Variants in AGMO observed in about 807,000 individuals in gnomAD.
AGMO encodes the protein glyceryl-ether monooxygenase.
Under a neutral mutation model 60.2 loss-of-function variants are expected in AGMO, and 75 were observed. The ratio of observed to expected loss-of-function variants is 1.25; its 90% CI spans 1.03 to 1.51. The LOEUF (loss-of-function observed/expected upper bound fraction) is 1.51, where lower values mean the gene tolerates loss of function less well. AGMO is among the 40% of genes most tolerant of loss of function. The probability of loss-of-function intolerance (pLI) is 0.00; values close to 1 mark genes in which losing one functional copy is unlikely to be tolerated. For missense variants in AGMO, 763 were observed against 525.5 expected, an observed-to-expected ratio of 1.45 and a Z score of -4.42; for synonymous variants, 261 against 177.1, an observed-to-expected ratio of 1.47 and a Z score of -3.76.
the AGMO span, among the ~76,000 whole-genome samples, chr7:15,181,718 T>C: frequency 4.6e-5 from 7 of 152,176 alleles, no homozygotes; most frequent in African/African-American, 1.7e-4. Flanking sequence ...AATATTATTT[T>C]TGATGGTAGT....
intron 12 of AGMO, among the ~76,000 whole-genome samples, chr7:15,255,080 C>A (rs1396780185): frequency 6.6e-6 from 1 of 152,090 alleles, no homozygotes; most frequent in East Asian, 1.9e-4. Context: ...AAGCTGGAAA[C>A]CATCATTCTC....
intron 12 of AGMO, among the ~76,000 whole-genome samples, chr7:15,275,750 A>G (rs947078753): frequency 2.0e-5 from 3 of 151,516 alleles, no homozygotes; most frequent in African/African-American, 7.3e-5. Flanking sequence ...TAGGATGGTG[A>G]TATCTTTTTG....
At chr7:15,139,230 T>A in the AGMO span, among the ~76,000 whole-genome samples, 1 of 152,220 alleles carries the variant, frequency 6.6e-6, no homozygotes, top group Non-Finnish European at 1.5e-5. Flanking sequence ...ATCTTTGACT[T>A]GCTTTATCCA....
At chr7:15,356,304 G>T (rs191409485) in intron 12 of AGMO, among the ~76,000 whole-genome samples, 1 of 152,242 alleles carries the variant, frequency 6.6e-6, no homozygotes, top group Admixed American at 6.5e-5. Context: ...AAACACTAGA[G>T]AATAGACAGA....
At chr7:15,486,780 A>C (rs1483282022) in intron 3 of AGMO, among the ~76,000 whole-genome samples, 1 of 152,220 alleles carries the variant, frequency 6.6e-6, no homozygotes, top group East Asian at 1.9e-4. Context: ...TTTTGACTAA[A>C]ACATGTCCAT....
intron 12 of AGMO, among the ~76,000 whole-genome samples, chr7:15,233,845 G>A (rs1187984626): frequency 2.0e-5 from 3 of 152,050 alleles, no homozygotes; most frequent in Non-Finnish European, 4.4e-5. Flanking sequence ...AGGTCAGTTC[G>A]AGACCAGCCT....
chr7:15,398,942 A>C (rs1016105881), intron 5 of AGMO, among the ~76,000 whole-genome samples: 2 of 152,202 alleles, frequency 1.3e-5, no homozygotes, highest in African/African-American at 4.8e-5. Flanking sequence ...TTTTTAAGAC[A>C]TACAGCAATT....
chr7:15,231,276 T>C (rs1782250926), intron 12 of AGMO, among the ~76,000 whole-genome samples: 1 of 152,168 alleles, frequency 6.6e-6, no homozygotes, highest in Admixed American at 6.6e-5. Flanking sequence ...CCACTTCCAA[T>C]GTCTTTTTGT....
intron 3 of AGMO, among the ~76,000 whole-genome samples, chr7:15,485,863 T>C (rs1782907915): frequency 6.6e-6 from 1 of 152,084 alleles, no homozygotes; most frequent in African/African-American, 2.4e-5. Flanking sequence ...TCATTTCAAA[T>C]TGACCTTATT....
At chr7:15,164,917 C>G in the AGMO span, among the ~76,000 whole-genome samples, 24 of 152,142 alleles carry the variant, frequency 1.6e-4, no homozygotes, top group Admixed American at 1.4e-3. Context: ...ATTGTTATAT[C>G]AAAAAGTCAC....
At chr7:15,327,042 T>A (rs1781358634) in intron 12 of AGMO, among the ~76,000 whole-genome samples, 1 of 152,132 alleles carries the variant, frequency 6.6e-6, no homozygotes, top group Non-Finnish European at 1.5e-5. Flanking sequence ...ACATATAATA[T>A]TTGTAATTTT....
chr7:15,353,017 GCA>G (rs1782313666), intron 12 of AGMO, among the ~76,000 whole-genome samples: 1 of 152,004 alleles, frequency 6.6e-6, no homozygotes, highest in Non-Finnish European at 1.5e-5. Flanking sequence ...ACTGCGCACG[GCA>G]CACTCAGACG....
At chr7:15,354,433 T>C (rs1254863827) in intron 12 of AGMO, among the ~76,000 whole-genome samples, 261 of 24,688 alleles carry the variant, frequency 0.011, 18 homozygotes, top group African/African-American at 0.029. Context: ...CACACACGTG[T>C]GTGTATACAC....
chr7:15,446,959 T>C (rs1781714229), intron 3 of AGMO, among the ~76,000 whole-genome samples: 1 of 152,174 alleles, frequency 6.6e-6, no homozygotes, highest in Non-Finnish European at 1.5e-5. Context: ...GGAAGTTCTT[T>C]AATGGCAATA....
chr7:15,409,316 C>T (rs114959403), intron 5 of AGMO, among the ~76,000 whole-genome samples: 11 of 151,910 alleles, frequency 7.2e-5, no homozygotes, highest in African/African-American at 2.4e-4. Context: ...CATATCAGTT[C>T]TTTGTGAACT....
Position 15,379,374 on chromosome 7 carries a change from A to G in AGMO, c.1074+6072T>C, listed in dbSNP as rs966932516. 2.0e-5 allele frequency among the ~76,000 whole-genome samples: 3 copies of G among 152,208 alleles called. No homozygotes were observed. The East Asian group carries it at 5.8e-4, about 29-fold the overall frequency. On this transcript the variant is annotated intron_variant, in intron 10 of 12. Coordinates refer to ENST00000342526, the MANE Select transcript of AGMO (RefSeq NM_001004320.2). ...ATCAAGTAGAAAAACTGTTAATTAG[A>G]TTGATAAAGAAGAAACAGAAGATTC...
chr7:15,356,746 T>A (rs767642122), intron 12 of AGMO, among the ~76,000 whole-genome samples: 1 of 151,452 alleles, frequency 6.6e-6, no homozygotes, highest in Non-Finnish European at 1.5e-5. Flanking sequence ...TATGAAAAAA[T>A]GTGATTAAAA....
intron 3 of AGMO, among the ~76,000 whole-genome samples, chr7:15,480,774 C>T (rs1335457783): frequency 6.6e-6 from 1 of 151,962 alleles, no homozygotes; most frequent in Non-Finnish European, 1.5e-5. Context: ...GTCAAAGCAC[C>T]TGCCACTGCT....
the AGMO span, among the ~76,000 whole-genome samples, chr7:15,182,282 A>G: frequency 5.3e-5 from 8 of 152,282 alleles, no homozygotes; most frequent in Non-Finnish European, 7.4e-5. Flanking sequence ...AGACAGTGCT[A>G]ATGGTTACAC....
Sources: allele counts gnomAD v4.1 joint callset (sites outside exome capture counted in the v4.1 genomes callset), GRCh38; gene constraint gnomAD v4.1.1; transcripts MANE v1.5; gene names NCBI Gene and HGNC (gene_info 2026-07-23, HGNC 2026-07-21).